The following GAD2 variants were observed in gnomAD, a reference collection of about 807,000 sequenced individuals.
GAD2 encodes 65 kDa glutamic acid decarboxylase.
Under a neutral mutation model 80.1 loss-of-function variants are expected in GAD2, and 22 were observed. The observed-to-expected ratio is 0.27, with a 90% CI of 0.20 to 0.39. GAD2 has a LOEUF of 0.39. Among genes scored for constraint, GAD2 ranks in the 10% least tolerant of loss-of-function variants. The pLI is 1.00. For synonymous variants in GAD2, 274 were observed against 256.9 expected, an observed-to-expected ratio of 1.07 and a Z score of -0.64; for missense variants, 624 against 738.4, an observed-to-expected ratio of 0.85 and a Z score of 1.80.
At chr10:26,262,877 C>T (rs933527426) in intron 8 of GAD2, among the ~76,000 whole-genome samples, 1 of 150,884 alleles carries the variant, frequency 6.6e-6, no homozygotes. Flanking sequence ...TCTACAGATA[C>T]ATTTAGGGAA....
intron 15 of GAD2, among the ~76,000 whole-genome samples, chr10:26,296,549 G>C (rs1454163355): frequency 6.6e-6 from 1 of 152,186 alleles, no homozygotes; most frequent in African/African-American, 2.4e-5. Context: ...CCCTGAGGCA[G>C]TGCAGATGAT....
intron 8 of GAD2, among the ~76,000 whole-genome samples, chr10:26,268,382 G>GGTGTGAACCCGGGAGGCGGAGCTTGCA (rs1845095888): frequency 6.6e-6 from 1 of 151,784 alleles, no homozygotes; most frequent in African/African-American, 2.4e-5. Flanking sequence ...GCAGGAGAAT[G>GGTGTGAACCCGGGAGGCGGAGCTTGCA]GTGTGAACCC....
intron 8 of GAD2, among the ~76,000 whole-genome samples, chr10:26,258,207 A>G (rs1844967422): frequency 6.6e-6 from 1 of 152,280 alleles, no homozygotes; most frequent in Non-Finnish European, 1.5e-5. Flanking sequence ...TGGTGCTAAC[A>G]TAGTTTACAA....
intron 6 of GAD2, among the ~76,000 whole-genome samples, chr10:26,228,476 T>A (rs1235130962): frequency 6.6e-6 from 1 of 152,198 alleles, no homozygotes; most frequent in Non-Finnish European, 1.5e-5. Context: ...TTAGAGGGAA[T>A]GAATAGATGA....
chr10:26,235,755 A>G (rs1844663050), intron 7 of GAD2, among the ~76,000 whole-genome samples: 1 of 152,194 alleles, frequency 6.6e-6, no homozygotes, highest in African/African-American at 2.4e-5. Context: ...CTCTCTTTAA[A>G]GTAGGTTTAG....
chr10:26,274,688 C>T (rs1470016839), intron 11 of GAD2, among the ~76,000 whole-genome samples: 1 of 152,200 alleles, frequency 6.6e-6, no homozygotes, highest in Non-Finnish European at 1.5e-5. Flanking sequence ...GTGGGAGGCC[C>T]AGGCCAGAGT....
chr10:26,230,067 C>T (rs936653184), intron 7 of GAD2, among the ~76,000 whole-genome samples: 4 of 151,970 alleles, frequency 2.6e-5, no homozygotes, highest in African/African-American at 7.3e-5. Flanking sequence ...TCCTAGGACG[C>T]TGAGGTAGCA....
In GAD2 at chr10:26,217,659, C is replaced by T. The variant is rs369367874; in HGVS notation, c.126C>T (p.Asn42=). The part of the protein sequence containing the change: ...VAQKFTGGIG[N]KLCALLYGDA... ...AGAAGTTCACGGGCGGCATCGGAAA[C>T]AAACTGTGCGGTGAGTGCCCAGGGA... The change falls in exon 2 of 16, where the codon AAC becomes AAT. Residue 42 remains asparagine, a synonymous_variant. Coordinates refer to ENST00000376261, the MANE Select transcript of GAD2 (RefSeq NM_001134366.2). This position sits in a 1 kb window ranked among gnomAD's most constrained non-coding sequence, Gnocchi z 4.9. 4 of 1,613,578 alleles carry T rather than the reference C, an allele frequency of 2.5e-6. No homozygotes were observed. The African/African-American group carries it at 4.0e-5, about 16-fold the overall frequency.
chr10:26,276,930 A>G (rs968674562), intron 11 of GAD2, among the ~76,000 whole-genome samples: 2 of 152,216 alleles, frequency 1.3e-5, no homozygotes, highest in African/African-American at 4.8e-5. Context: ...CATGGGTGCA[A>G]AGACGAGTAT....
At chr10:26,291,634 T>G (rs952825177) in intron 13 of GAD2, among the ~76,000 whole-genome samples, 1 of 152,178 alleles carries the variant, frequency 6.6e-6, no homozygotes, top group Non-Finnish European at 1.5e-5. Flanking sequence ...GGTAGGCAGG[T>G]TCAAAGTGCT....
At chr10:26,218,108 G>A (rs1224295740) in intron 3 of GAD2, 117 bp downstream of exon 3, 4 of 1,097,744 alleles carry the variant, frequency 3.6e-6, no homozygotes, top group Non-Finnish European at 5.2e-6. Context: ...GGCAGCGGAG[G>A]CGGGACCTGC....
chr10:26,268,824 CT>C (rs1308302582), intron 8 of GAD2, among the ~76,000 whole-genome samples: 17 of 152,310 alleles, frequency 1.1e-4, no homozygotes, highest in Middle Eastern at 3.4e-3. Context: ...CTTGTTTTAA[CT>C]GAATTAAGAG....
chr10:26,244,580 A>G (rs1844782405), intron 7 of GAD2, among the ~76,000 whole-genome samples: 2 of 152,240 alleles, frequency 1.3e-5, no homozygotes, highest in Non-Finnish European at 2.9e-5. Flanking sequence ...CACACATGCT[A>G]CAACATGGAT....
chr10:26,303,517 A>C lies in GAD2; in HGVS notation c.*2556A>C, dbSNP rs945324993. On this transcript the variant is annotated 3_prime_UTR_variant, in exon 16 of 16. Transcript: ENST00000376261. ...GAAGGGAGGGAGGGAGGGAGGAAAG[A>C]AGGGAGATTATTTTTAATATTAGCC... 2.1e-5 allele frequency: 3 copies of C among 141,730 alleles called. No individual in the cohort carries two copies. The highest frequency in any genetic ancestry group is 7.5e-5 in the African/African-American group (3 of 40,232). The allele number at this position is 141,730 out of a possible 1,614,324, so 8.8% of individuals were successfully genotyped here.
chr10:26,218,187 C>T (rs941495918), intron 3 of GAD2, 196 bp downstream of exon 3: 2 of 540,748 alleles, frequency 3.7e-6, no homozygotes, highest in Non-Finnish European at 6.2e-6. Flanking sequence ...AACCTGGCCT[C>T]GGAGCTCCAA....
chr10:26,242,957 C>T (rs773119934), intron 7 of GAD2, among the ~76,000 whole-genome samples: 5 of 152,098 alleles, frequency 3.3e-5, no homozygotes, highest in African/African-American at 4.8e-5. Context: ...CTGGCTGTCT[C>T]TTCCCTTCTG....
chr10:26,238,590 G>A (rs1219684550), intron 7 of GAD2, among the ~76,000 whole-genome samples: 1 of 152,190 alleles, frequency 6.6e-6, no homozygotes, highest in Non-Finnish European at 1.5e-5. Flanking sequence ...TGATCTACTA[G>A]TCAGAACTGA....
chr10:26,290,791 G>A (rs1026909610), intron 13 of GAD2, among the ~76,000 whole-genome samples: 5 of 152,132 alleles, frequency 3.3e-5, no homozygotes, highest in Non-Finnish European at 7.4e-5. Context: ...ATGAATGAAA[G>A]AATTTTGAAG....
chr10:26,252,541 T>C (rs1006523030), intron 8 of GAD2, among the ~76,000 whole-genome samples: 2 of 151,740 alleles, frequency 1.3e-5, no homozygotes, highest in African/African-American at 4.8e-5. Flanking sequence ...CAGGATCTTA[T>C]CATGTCACCA....
Sources: gnomAD v4.1 joint callset for allele counts (sites outside exome capture counted in the v4.1 genomes callset) on GRCh38, gnomAD v4.1.1 for gene constraint, Gnocchi (gnomAD v3.1) non-coding constraint, MANE v1.5 for transcripts, NCBI Gene and HGNC (gene_info 2026-07-23, HGNC 2026-07-21) for gene names.